The following SIRPB2 variants were observed in gnomAD, a reference collection of about 807,000 sequenced individuals.
SIRPB2 encodes the protein signal-regulatory protein beta-2.
Under a neutral mutation model 27.1 loss-of-function variants are expected in SIRPB2, and 18 were observed. That is an observed-to-expected ratio of 0.66 (90% CI 0.46 to 0.98). The LOEUF (loss-of-function observed/expected upper bound fraction) is 0.98. Ranked by LOEUF, SIRPB2 falls within the 50% of genes least tolerant of loss-of-function variation. The probability of loss-of-function intolerance (pLI) is 0.00; values close to 1 mark genes in which losing one functional copy is unlikely to be tolerated. For missense variants in SIRPB2, 420 were observed against 417.4 expected, an observed-to-expected ratio of 1.01 and a Z score of -0.06; for synonymous variants, 150 against 164.6, an observed-to-expected ratio of 0.91 and a Z score of 0.68.
intron 4 of SIRPB2, chr20:1,476,927 C>T (rs917215574): frequency 1.0e-5 from 12 of 1,180,754 alleles, no homozygotes; most frequent in Non-Finnish European, 1.3e-5. Flanking sequence ...GTCCCCTCCC[C>T]GCTAGTTCAT....
chr20:1,485,076 G>A (rs758532974), intron 1 of SIRPB2, among the ~76,000 whole-genome samples: 11 of 152,178 alleles, frequency 7.2e-5, no homozygotes, highest in Non-Finnish European at 1.5e-4. Flanking sequence ...GATACCAGAC[G>A]TGGGGAAAAG....
chr20:1,479,441 T>G (rs990160236), intron 2 of SIRPB2: 1 of 524,130 alleles, frequency 1.9e-6, no homozygotes, highest in South Asian at 2.1e-5. Flanking sequence ...ACTTGAAGAG[T>G]TGGGACTGGG....
intron 2 of SIRPB2, chr20:1,479,389 T>C (rs1015157687): frequency 5.3e-6 from 2 of 378,018 alleles, no homozygotes; most frequent in African/African-American, 4.1e-5. Flanking sequence ...CTTTAGCCAG[T>C]GGGCTGTTAG....
chr20:1,481,502 C>T (rs907500980), intron 1 of SIRPB2, among the ~76,000 whole-genome samples: 3 of 152,162 alleles, frequency 2.0e-5, no homozygotes, highest in African/African-American at 7.2e-5. Context: ...GTATTCCCAT[C>T]AGCCTTTGTG....
downstream of SIRPB2, chr20:1,473,732 G>A (rs114147981): frequency 4.8e-6 from 2 of 417,372 alleles, no homozygotes; most frequent in African/African-American, 2.1e-5. Context: ...GGGGTGGCAG[G>A]GACCAGCTCA....
At chr20:1,486,579 C>T (rs930792416) in intron 1 of SIRPB2, among the ~76,000 whole-genome samples, 4 of 151,990 alleles carry the variant, frequency 2.6e-5, no homozygotes, top group African/African-American at 9.7e-5. Flanking sequence ...AAACCGAATT[C>T]AGCAATCAGC....
downstream of SIRPB2, among the ~76,000 whole-genome samples, chr20:1,472,101 G>C (rs1024043645): frequency 2.0e-5 from 3 of 152,042 alleles, no homozygotes; most frequent in African/African-American, 7.2e-5. Flanking sequence ...GCCCAGGCAG[G>C]ACATGTAATA....
intron 1 of SIRPB2, among the ~76,000 whole-genome samples, chr20:1,490,082 T>C (rs2090764037): frequency 6.6e-6 from 1 of 152,180 alleles, no homozygotes; most frequent in African/African-American, 2.4e-5. Flanking sequence ...CAACAATCAT[T>C]GGGAATATTT....
At chr20:1,477,231 C>T in intron 4 of SIRPB2, 107 bp downstream of exon 4, 1 of 1,613,088 alleles carries the variant, frequency 6.2e-7, no homozygotes, top group Non-Finnish European at 8.5e-7. Flanking sequence ...TTCTTGGTGG[C>T]AGGTTAGCCC....
intron 1 of SIRPB2, among the ~76,000 whole-genome samples, chr20:1,490,209 G>A (rs2090764962): frequency 6.6e-6 from 1 of 152,186 alleles, no homozygotes; most frequent in Non-Finnish European, 1.5e-5. Context: ...TTAGAATTGA[G>A]GAAATCAGCT....
At chr20:1,481,187 A>G (rs59377624) in intron 1 of SIRPB2, among the ~76,000 whole-genome samples, 1 of 151,828 alleles carries the variant, frequency 6.6e-6, no homozygotes, top group East Asian at 1.9e-4. Flanking sequence ...TTTATTTTTT[A>G]ATTTTTTTTG....
At chr20:1,485,998 A>G (rs561510489) in intron 1 of SIRPB2, among the ~76,000 whole-genome samples, 1 of 152,010 alleles carries the variant, frequency 6.6e-6, no homozygotes, top group Non-Finnish European at 1.5e-5. Context: ...GTTATTAAAA[A>G]TCTTCCCAGA....
intron 1 of SIRPB2, 148 bp from the exon 2 acceptor site, chr20:1,480,213 G>A (rs1296235826): frequency 2.8e-6 from 3 of 1,084,788 alleles, no homozygotes; most frequent in African/African-American, 1.6e-5. Flanking sequence ...GGAAAGAGGG[G>A]ATGAGATGGC....
In SIRPB2 at chr20:1,478,267, T is replaced by C. The variant is rs2090627888; in HGVS notation, c.792A>G (p.Lys264=). 1.2e-6 allele frequency: 2 copies of C among 1,609,144 alleles called. No individual in the cohort carries two copies. Among genetic ancestry groups the C allele is most frequent in the African/African-American group, 2.7e-5 (2 of 74,788 alleles). ...LSGQGTSLKV[K]AKSTSSKEAE... is the part of the protein sequence containing the mutation. Reference sequence around the variant, plus strand: ...CAAGTCCAAAACCAATTGTCTCACCTTTCACTTTCAGGCTGGTGCCCTGTC... The same window carrying C: ...CAAGTCCAAAACCAATTGTCTCACCCTTCACTTTCAGGCTGGTGCCCTGTC... Residue 264 remains lysine, a splice_region_variant and synonymous_variant, in exon 3 of 5, where the codon AAA becomes AAG. Transcript: ENST00000359801.
chr20:1,477,546 G>A, intron 3 of SIRPB2, 143 bp from the exon 4 acceptor site: 1 of 1,425,074 alleles, frequency 7.0e-7, no homozygotes, highest in Non-Finnish European at 9.3e-7. Context: ...CAGCTATGAA[G>A]GACAAAGTTA....
At chr20:1,482,727 C>T (rs1422891672) in intron 1 of SIRPB2, among the ~76,000 whole-genome samples, 2 of 151,994 alleles carry the variant, frequency 1.3e-5, no homozygotes, top group Non-Finnish European at 2.9e-5. Context: ...TAATAATCTC[C>T]AGTTCCATCC....
intron 1 of SIRPB2, among the ~76,000 whole-genome samples, chr20:1,485,672 C>G (rs185164113): frequency 7.3e-4 from 110 of 151,074 alleles, no homozygotes; most frequent in African/African-American, 2.6e-3. Context: ...CACACACACA[C>G]AGAAAAAATC....
chr20:1,489,686 A>G (rs1460611878), intron 1 of SIRPB2, among the ~76,000 whole-genome samples: 1 of 151,926 alleles, frequency 6.6e-6, no homozygotes, highest in Non-Finnish European at 1.5e-5. Flanking sequence ...TCTGCCTTTC[A>G]TGGTTCCTGT....
At chr20:1,488,377 C>G (rs367551862) in intron 1 of SIRPB2, among the ~76,000 whole-genome samples, 1 of 152,008 alleles carries the variant, frequency 6.6e-6, no homozygotes, top group Non-Finnish European at 1.5e-5. Context: ...CCTAGGACTT[C>G]GGGAGGCTGA....
Sources: allele counts gnomAD v4.1 joint callset (sites outside exome capture counted in the v4.1 genomes callset), GRCh38; gene constraint gnomAD v4.1.1; transcripts MANE v1.5; gene names NCBI Gene and HGNC (gene_info 2026-07-23, HGNC 2026-07-21).